TRAF2: variants seen among roughly 807,000 people sequenced by gnomAD.
The protein encoded by TRAF2 is TNF receptor associated factor 2, also known as TNF receptor-associated factor 2.
Under a neutral mutation model 55.6 loss-of-function variants are expected in TRAF2, and 6 were observed. The ratio of observed to expected loss-of-function variants is 0.11; its 90% CI spans 0.06 to 0.21. TRAF2 has a LOEUF of 0.21. TRAF2 is among the 10% of genes least tolerant of loss of function. TRAF2 has a pLI of 1.00. For missense variants in TRAF2, 561 were observed against 684.5 expected (o/e 0.82, Z 2.01); for synonymous variants, 329 against 276.3 (o/e 1.19, Z -1.89).
In TRAF2 at chr9:136,900,506, C is replaced by T. The variant is rs1323838879; in HGVS notation, c.352C>T (p.Leu118=). Reference sequence around the variant, plus strand: ...TGATGGATGCACCTGGAAGGGGACCCTGAAAGAATACGAGGTAAAGATGCC... The same window carrying T: ...TGATGGATGCACCTGGAAGGGGACCTTGAAAGAATACGAGGTAAAGATGCC... ...PSDGCTWKGT[L]KEYESCHEGR... Residue 118 remains leucine (L), a synonymous_variant, in exon 4 of 11, where the codon CTG becomes TTG. Coordinates refer to ENST00000247668, the MANE Select transcript of TRAF2 (RefSeq NM_021138.4). 5.0e-6 allele frequency: 8 copies of T among 1,613,978 alleles called. No homozygotes were observed. Among genetic ancestry groups the T allele is most frequent in the Admixed American group, 1.7e-5 (1 of 60,004 alleles).
chr9:136,904,410 T>C (rs1849897886), intron 4 of TRAF2, among the ~76,000 whole-genome samples: 1 of 152,034 alleles, frequency 6.6e-6, no homozygotes, highest in African/African-American at 2.4e-5. Flanking sequence ...TTATTTTTAT[T>C]TTTTTATTTA....
At chr9:136,909,826 C>G in intron 5 of TRAF2, 94 bp from the exon 6 acceptor site, 1 of 1,334,886 alleles carries the variant, frequency 7.5e-7, no homozygotes, top group Non-Finnish European at 1.1e-6. Flanking sequence ...TCCTGCGGCC[C>G]CTCGGCGCTG....
At chr9:136,917,929 T>C (rs1359543421) in intron 7 of TRAF2, among the ~76,000 whole-genome samples, 2 of 152,034 alleles carry the variant, frequency 1.3e-5, no homozygotes, top group Non-Finnish European at 1.5e-5. Flanking sequence ...CTGGGCCTCT[T>C]GGTGTTGAGA....
chr9:136,898,789 C>T lies in TRAF2; in HGVS notation c.49C>T (p.Pro17Ser). 6.2e-7 allele frequency: 1 copy of T among 1,613,734 alleles called. No homozygotes were observed. Among genetic ancestry groups the T allele is most frequent in the Non-Finnish European group, 8.5e-7 (1 of 1,180,036 alleles). Residue 17 changes from proline to serine, a missense_variant, in exon 2 of 11, where the codon CCC (proline) becomes TCC (serine). This residue lies in a region of TRAF2 where 426 missense variants were observed against 476.8 expected (regional missense o/e 0.89). Coordinates refer to ENST00000247668, the MANE Select transcript of TRAF2 (RefSeq NM_021138.4). ...TPPGSLELLQPGFSKTLLGTK... is the reference protein window; with the variant it reads ...TPPGSLELLQSGFSKTLLGTK... ...CCCTGGCTCCCTGGAGTTGCTACAG[C>T]CCGGCTTCTCCAAGACCCTCCTGGG...
At chr9:136,890,092 G>A (rs537317309) in intron 1 of TRAF2, among the ~76,000 whole-genome samples, 9 of 137,588 alleles carry the variant, frequency 6.5e-5, no homozygotes, top group Non-Finnish European at 1.1e-4. Context: ...CCCACCGCAC[G>A]CTTGTTCAGC....
chr9:136,910,225 C>T (rs1422930915), intron 6 of TRAF2: 10 of 587,260 alleles, frequency 1.7e-5, no homozygotes, highest in Non-Finnish European at 3.0e-5. Flanking sequence ...CTCCAGTGTA[C>T]ATAGCTGCTT....
Position 136,916,633 on chromosome 9 carries a change from A to G in TRAF2, c.678+18A>G. 1 of 1,612,574 alleles carries G rather than the reference A, an allele frequency of 6.2e-7. No individual in the cohort carries two copies. Among genetic ancestry groups the G allele is most frequent in the Non-Finnish European group, 8.5e-7 (1 of 1,179,434 alleles). Reference sequence around the variant, plus strand: ...TCGAGACGGTGAGTCGGGGGGTCTGAGGTTGGGGGCCACCCCTCATCCTGG... The same window carrying G: ...TCGAGACGGTGAGTCGGGGGGTCTGGGGTTGGGGGCCACCCCTCATCCTGG... On this transcript the variant is annotated intron_variant, in intron 7 of 10. Coordinates refer to ENST00000247668, the MANE Select transcript of TRAF2 (RefSeq NM_021138.4).
At chr9:136,906,837 G>A (rs1405472977) in intron 4 of TRAF2, among the ~76,000 whole-genome samples, 1 of 152,134 alleles carries the variant, frequency 6.6e-6, no homozygotes, top group Non-Finnish European at 1.5e-5. Context: ...TCCTGAATCC[G>A]GCCCTCTCTC....
rs540083623 is a variant in TRAF2, at chr9:136,897,817, G to A, written c.-28-896G>A. Among the ~76,000 whole-genome samples the A allele has an allele frequency of 2.1e-5, 3 of 144,254 alleles. No homozygotes were observed. In the East Asian group the frequency reaches 6.3e-4, roughly 30 times the overall value. The allele number at this position is 144,254 out of a possible 152,430, so 94.6% of individuals were successfully genotyped here. ...GTGCTACGTTCCGCTCTCGGGGCTG[G>A]AGGGGAACCCGTGGTAGCTATAGGG... is the stretch of plus-strand genomic sequence containing the variant. On this transcript the variant is annotated intron_variant, in intron 1 of 10. Transcript: ENST00000247668.
intron 1 of TRAF2, among the ~76,000 whole-genome samples, chr9:136,890,732 G>A (rs1324713282): frequency 6.6e-6 from 1 of 152,254 alleles, no homozygotes. Context: ...GAACCCCAGA[G>A]TGTAGTGTGG....
chr9:136,908,819 G>A (rs542396464), intron 5 of TRAF2, among the ~76,000 whole-genome samples: 8 of 145,110 alleles, frequency 5.5e-5, no homozygotes, highest in South Asian at 2.2e-4. Flanking sequence ...GCAGTGAGCC[G>A]AGATTGCGCC....
At position 136,923,905 on chromosome 9, in the gene TRAF2, G is replaced by A; in HGVS notation, c.1192G>A (p.Gly398Ser). The change falls in exon 10 of 11, where the codon GGC (glycine) becomes AGC (serine). Residue 398 changes from glycine to serine, a missense_variant. Coordinates refer to ENST00000247668, the MANE Select transcript of TRAF2 (RefSeq NM_021138.4). ...GATGTGTCTGCGTATCTACCTGAAC[G>A]GCGACGGCACCGGGCGAGGAACACA... Reference protein sequence around the residue: ...YKMCLRIYLNGDGTGRGTHLS... With the variant: ...YKMCLRIYLNSDGTGRGTHLS... The A allele has an allele frequency of 6.2e-7, 1 of 1,613,880 alleles. No homozygotes were observed. Among genetic ancestry groups the A allele is most frequent in the Non-Finnish European group, 8.5e-7 (1 of 1,180,012 alleles).
At chr9:136,920,898 G>T in intron 8 of TRAF2, 140 bp from the exon 9 acceptor site, 1 of 1,064,574 alleles carries the variant, frequency 9.4e-7, no homozygotes, top group Non-Finnish European at 1.3e-6. Context: ...GGGTTCTTGT[G>T]TGCAGGGAGT....
chr9:136,899,618 C>A lies in TRAF2; in HGVS notation c.213C>A (p.Ala71=), dbSNP rs779715367. 3 of 1,613,190 alleles carry A rather than the reference C, an allele frequency of 1.9e-6. No individual in the cohort carries two copies. Among genetic ancestry groups the A allele is most frequent in the South Asian group, 1.1e-5 (1 of 91,050 alleles). The part of the protein sequence containing the change: ...ILSSGPQNCA[A]CVHEGIYEEG... The stretch of plus-strand genomic sequence containing the variant: ...GCTCTGGGCCTCAGAACTGTGCTGC[C>A]TGTGTTCACGAGGGCATATATGAAG... Residue 71 remains alanine (A), a synonymous_variant, in exon 3 of 11, where the codon GCC becomes GCA. Coordinates refer to ENST00000247668, the MANE Select transcript of TRAF2 (RefSeq NM_021138.4).
chr9:136,916,825 G>A, intron 7 of TRAF2: 4 of 579,496 alleles, frequency 6.9e-6, no homozygotes, highest in Non-Finnish European at 1.3e-5. Context: ...TGTAGTGCCT[G>A]GCTTTGACTG....
chr9:136,887,963 G>T (rs2131270866), intron 1 of TRAF2, among the ~76,000 whole-genome samples: 1 of 152,116 alleles, frequency 6.6e-6, no homozygotes. Context: ...TCCGCCTCCT[G>T]GGTTCAAGCG....
intron 4 of TRAF2, among the ~76,000 whole-genome samples, chr9:136,904,199 G>A (rs1849892216): frequency 6.6e-6 from 1 of 152,044 alleles, no homozygotes; most frequent in Non-Finnish European, 1.5e-5. Context: ...TCACCTATGA[G>A]CATTTTATTA....
At chr9:136,889,219 G>GT (rs533626382) in intron 1 of TRAF2, among the ~76,000 whole-genome samples, 6,735 of 123,046 alleles carry the variant, frequency 0.055, 194 homozygotes, top group Middle Eastern at 0.087. Context: ...GGTTTTTTCT[G>GT]TTTTTTTTTT....
At chr9:136,884,961 T>G (rs998827310), upstream of TRAF2, among the ~76,000 whole-genome samples, 1 of 152,224 alleles carries the variant, frequency 6.6e-6, no homozygotes, top group South Asian at 2.1e-4. Context: ...GCTCAGTTAG[T>G]TCCTGGGCTT....
Sources: allele counts gnomAD v4.1 joint callset (sites outside exome capture counted in the v4.1 genomes callset), GRCh38; gene constraint gnomAD v4.1.1; regional missense constraint gnomAD v4.1.1; transcripts MANE v1.5; gene names NCBI Gene and HGNC (gene_info 2026-07-23, HGNC 2026-07-21).